SORD: variants seen among roughly 807,000 people sequenced by gnomAD.
The protein encoded by SORD is sorbitol dehydrogenase.
In SORD, 18 loss-of-function variants were observed where a neutral mutation model predicts 35.6. The ratio of observed to expected loss-of-function variants is 0.51; its 90% CI spans 0.35 to 0.75. The LOEUF (loss-of-function observed/expected upper bound fraction) is 0.75. Among genes scored for constraint, SORD ranks in the 30% least tolerant of loss-of-function variants. The probability of loss-of-function intolerance (pLI) is 0.01; values close to 1 mark genes in which losing one functional copy is unlikely to be tolerated. For missense variants in SORD, 250 were observed against 390.2 expected (o/e 0.64, Z 3.03); for synonymous variants, 106 against 152.9 (o/e 0.69, Z 2.26).
intron 6 of SORD, among the ~76,000 whole-genome samples, 162 bp downstream of exon 6, chr15:45,068,408 TAGG>T (rs1267441501): frequency 6.6e-6 from 1 of 151,782 alleles, no homozygotes; most frequent in Non-Finnish European, 1.5e-5. Flanking sequence ...TGTTTTGTGT[TAGG>T]AGAAGCTATC....
chr15:45,032,082 A>G (rs1892795952), intron 1 of SORD, among the ~76,000 whole-genome samples: 2 of 131,044 alleles, frequency 1.5e-5, no homozygotes, highest in Admixed American at 8.4e-5. Flanking sequence ...ATAGTGTATG[A>G]TTCCACTTAT....
intron 4 of SORD, among the ~76,000 whole-genome samples, chr15:45,064,359 G>T (rs1195930349): frequency 6.6e-6 from 1 of 152,050 alleles, no homozygotes; most frequent in African/African-American, 2.4e-5. Flanking sequence ...TAAACTAAGG[G>T]TTTTCTAAAA....
At chr15:45,039,832 C>T (rs1004336797) in intron 1 of SORD, among the ~76,000 whole-genome samples, 1 of 152,226 alleles carries the variant, frequency 6.6e-6, no homozygotes, top group Non-Finnish European at 1.5e-5. Flanking sequence ...CATCCTTTCC[C>T]TGGAGGAGTT....
At chr15:45,044,762 A>C (rs1893019852) in intron 3 of SORD, among the ~76,000 whole-genome samples, 1 of 150,290 alleles carries the variant, frequency 6.7e-6, no homozygotes, top group Admixed American at 6.6e-5. Flanking sequence ...GCAGTGGTGC[A>C]ATCTCGCCTT....
chr15:45,060,724 G>A (rs1057276332), intron 3 of SORD, among the ~76,000 whole-genome samples: 2 of 118,592 alleles, frequency 1.7e-5, no homozygotes, highest in Non-Finnish European at 3.5e-5. Context: ...CCTTAGCTGG[G>A]AAGTGGCTGT....
intron 3 of SORD, among the ~76,000 whole-genome samples, chr15:45,044,165 A>G (rs1300719940): frequency 6.6e-6 from 1 of 152,252 alleles, no homozygotes; most frequent in East Asian, 1.9e-4. Flanking sequence ...GTCATTCATC[A>G]TTAGTGGAAG....
chr15:45,036,074 G>A (rs770991768), intron 1 of SORD, among the ~76,000 whole-genome samples: 4 of 151,758 alleles, frequency 2.6e-5, no homozygotes, highest in Non-Finnish European at 4.4e-5. Context: ...CACTCACCGC[G>A]AAGGTCCGCA....
intron 5 of SORD, among the ~76,000 whole-genome samples, chr15:45,066,225 A>G (rs1317162053): frequency 1.4e-5 from 2 of 147,232 alleles, no homozygotes; most frequent in African/African-American, 5.1e-5. Flanking sequence ...AGCCTAGGTG[A>G]CAGAGCGAGA....
chr15:45,025,369 G>A (rs570276285), intron 1 of SORD, among the ~76,000 whole-genome samples: 70 of 152,274 alleles, frequency 4.6e-4, no homozygotes, highest in South Asian at 1.2e-3. Context: ...CAGGTGTGGT[G>A]GCTGATGCCT....
intron 3 of SORD, among the ~76,000 whole-genome samples, chr15:45,056,576 G>T (rs1260869976): frequency 6.6e-6 from 1 of 152,196 alleles, no homozygotes; most frequent in Non-Finnish European, 1.5e-5. Flanking sequence ...GTAACTTATA[G>T]ATTCTATTTG....
intron 3 of SORD, chr15:45,050,804 A>G (rs776785497): frequency 6.6e-6 from 1 of 152,268 alleles, no homozygotes; most frequent in African/African-American, 2.4e-5. Flanking sequence ...TTTTGTTCAC[A>G]GGAGTATACA....
chr15:45,028,789 C>T (rs115055554), intron 1 of SORD, among the ~76,000 whole-genome samples: 31,035 of 150,384 alleles, frequency 0.21, no homozygotes, highest in African/African-American at 0.44. Context: ...TTTAAATACT[C>T]TTATTTATTT....
chr15:45,052,280 A>G (rs1893137428), intron 3 of SORD, among the ~76,000 whole-genome samples: 1 of 152,202 alleles, frequency 6.6e-6, no homozygotes, highest in Admixed American at 6.5e-5. Flanking sequence ...TGCCTCAAAC[A>G]TAAGGATTGA....
intron 2 of SORD, among the ~76,000 whole-genome samples, chr15:45,042,969 A>C (rs1337620566): frequency 2.0e-5 from 3 of 151,952 alleles, no homozygotes; most frequent in Non-Finnish European, 4.4e-5. Context: ...CTTTACTCAA[A>C]GTCTATTGGT....
intron 4 of SORD, among the ~76,000 whole-genome samples, chr15:45,065,060 A>C (rs1893382072): frequency 1.3e-5 from 2 of 152,228 alleles, no homozygotes; most frequent in South Asian, 4.1e-4. Context: ...CCTCATCTGT[A>C]AAATGGGAAT....
chr15:45,066,334 CAG>C (rs1893404494), intron 5 of SORD, among the ~76,000 whole-genome samples: 1 of 149,146 alleles, frequency 6.7e-6, no homozygotes, highest in Admixed American at 6.7e-5. Context: ...TCTTTTGAGA[CAG>C]AGTCTTACTC....
At chr15:45,032,294 TTA>T (rs1247656294) in intron 1 of SORD, among the ~76,000 whole-genome samples, 1 of 152,312 alleles carries the variant, frequency 6.6e-6, no homozygotes, top group African/African-American at 2.4e-5. Context: ...ATGGTAAATT[TTA>T]TGTTATGTAT....
At chr15:45,059,702 G>A (rs573054137) in intron 3 of SORD, among the ~76,000 whole-genome samples, 1 of 152,224 alleles carries the variant, frequency 6.6e-6, no homozygotes, top group Non-Finnish European at 1.5e-5. Context: ...TTCCTATGTT[G>A]CTCTTGAACT....
At chr15:45,065,914 T>C (rs1284666689) in intron 5 of SORD, among the ~76,000 whole-genome samples, 2 of 151,704 alleles carry the variant, frequency 1.3e-5, no homozygotes, top group Non-Finnish European at 2.9e-5. Context: ...AACAAGACCC[T>C]GTCTCAAAAA....
Sources: gnomAD v4.1 joint callset for allele counts (sites outside exome capture counted in the v4.1 genomes callset) on GRCh38, gnomAD v4.1.1 for gene constraint, MANE v1.5 for transcripts, NCBI Gene and HGNC (gene_info 2026-07-23, HGNC 2026-07-21) for gene names.